Variants in KIFC3 observed in about 807,000 individuals in gnomAD.
KIFC3 encodes kinesin family member C3.
KIFC3 carries 60 observed loss-of-function variants against 101.8 expected under a neutral mutation model. That is an observed-to-expected ratio of 0.59 (90% CI 0.48 to 0.73). The LOEUF (loss-of-function observed/expected upper bound fraction) is 0.73. Among genes scored for constraint, KIFC3 ranks in the 30% least tolerant of loss-of-function variants. The probability of loss-of-function intolerance (pLI) is 0.00; values close to 1 mark genes in which losing one functional copy is unlikely to be tolerated. For missense variants in KIFC3, 966 were observed against 1,137.1 expected, an observed-to-expected ratio of 0.85 and a Z score of 2.16; for synonymous variants, 476 against 482.7, an observed-to-expected ratio of 0.99 and a Z score of 0.18.
chr16:57,772,321 TCA>T, intron 3 of KIFC3, 33 bp from the exon 4 acceptor site: 1 of 1,591,060 alleles, frequency 6.3e-7, no homozygotes, highest in South Asian at 1.1e-5. Context: ...AAGGTGAGCC[TCA>T]GTCCTCAGCT....
chr16:57,811,816 T>C (rs2055081769), intron 1 of KIFC3, among the ~76,000 whole-genome samples: 1 of 150,658 alleles, frequency 6.6e-6, no homozygotes, highest in African/African-American at 2.4e-5. Context: ...CTTGGGAGGC[T>C]GAGGCGGAGA....
At chr16:57,814,058 A>G (rs2055159201) in intron 1 of KIFC3, among the ~76,000 whole-genome samples, 1 of 152,142 alleles carries the variant, frequency 6.6e-6, no homozygotes, top group South Asian at 2.1e-4. Context: ...GGGCACAGTC[A>G]ATGGGGTACC....
intron 1 of KIFC3, chr16:57,798,614 G>A (rs1006601653): frequency 1.9e-4 from 78 of 419,648 alleles, no homozygotes; most frequent in African/African-American, 1.4e-3. Context: ...AGGAGGCACC[G>A]CGAGTCAGCA....
At chr16:57,775,214 T>TGG in intron 3 of KIFC3, 1 of 1,323,604 alleles carries the variant, frequency 7.6e-7, no homozygotes, top group Non-Finnish European at 9.6e-7. Flanking sequence ...CAGGGCAGGC[T>TGG]GGGGAGCATG....
At chr16:57,832,179 C>G (rs1397351370) in intron 1 of KIFC3, among the ~76,000 whole-genome samples, 2 of 151,594 alleles carry the variant, frequency 1.3e-5, no homozygotes, top group African/African-American at 2.4e-5. Flanking sequence ...CACCACCATG[C>G]CCGTCTAATT....
At chr16:57,764,012 A>G in intron 12 of KIFC3, 131 bp downstream of exon 12, 1 of 705,462 alleles carries the variant, frequency 1.4e-6, no homozygotes, top group Non-Finnish European at 2.4e-6. Context: ...AGATAACTAC[A>G]GCCTCTGCTC....
chr16:57,808,681 T>G (rs1192905492), intron 1 of KIFC3, among the ~76,000 whole-genome samples: 1 of 152,194 alleles, frequency 6.6e-6, no homozygotes, highest in Non-Finnish European at 1.5e-5. Context: ...GTATCTGACC[T>G]TGAGCTGATG....
chr16:57,839,038 T>C lies in KIFC3; in HGVS notation c.108+23691A>G, dbSNP rs1316666706. Among the ~76,000 whole-genome samples, 2 of 152,098 alleles carry C rather than the reference T, an allele frequency of 1.3e-5. 1 individual carries two copies. Among genetic ancestry groups the C allele is most frequent in the Non-Finnish European group, 2.9e-5 (2 of 68,028 alleles). ...GAATAGCATTCTGTTGAAGAACCCT[T>C]ATTTTGAGGCTGGGCACAGTGGCTC... is the stretch of plus-strand genomic sequence containing the variant. On this transcript the variant is annotated intron_variant, in intron 1 of 2. Coordinates refer to the KIFC3 transcript ENST00000563028.
At chr16:57,833,711 G>C (rs2911343) in intron 1 of KIFC3, among the ~76,000 whole-genome samples, 25,016 of 152,064 alleles carry the variant, frequency 0.16, 2,253 homozygotes, top group Middle Eastern at 0.23. Flanking sequence ...CACCTGGGAG[G>C]GGGAGGGACC....
intron 3 of KIFC3, among the ~76,000 whole-genome samples, chr16:57,780,985 T>G (rs558171280): frequency 2.2e-4 from 33 of 150,892 alleles, no homozygotes; most frequent in Middle Eastern, 3.4e-3. Flanking sequence ...TGAAAACAAT[T>G]TTTTAAGGTT....
intron 1 of KIFC3, among the ~76,000 whole-genome samples, chr16:57,812,824 G>A (rs2055123157): frequency 6.6e-6 from 1 of 152,228 alleles, no homozygotes. Context: ...AATACCTGCT[G>A]CCCCTGAGGG....
intron 1 of KIFC3, among the ~76,000 whole-genome samples, chr16:57,820,359 C>T (rs782211671): frequency 6.6e-6 from 1 of 152,206 alleles, no homozygotes; most frequent in East Asian, 1.9e-4. Context: ...ACTGCAGCCT[C>T]GAATCCCTCG....
At chr16:57,799,370 T>C (rs75145924) in intron 1 of KIFC3, among the ~76,000 whole-genome samples, 5 of 152,234 alleles carry the variant, frequency 3.3e-5, no homozygotes, top group Non-Finnish European at 7.4e-5. Flanking sequence ...AAGGACTTCC[T>C]AGTGGAGCTT....
chr16:57,764,202 A>G lies in KIFC3; in HGVS notation c.1558T>C (p.Phe520Leu), dbSNP rs1555600573. Residue 520 changes from phenylalanine to leucine, a missense_variant, in exon 12 of 20, where the codon TTC becomes CTC. By Grantham distance (22) the Phe-to-Leu change is conservative. Transcript: ENST00000445690. ...QALVTSCIDG[F>L]NVCIFAYGQT... is the part of the protein sequence containing the mutation. Reference sequence around the variant, plus strand: ...CCGTACGCAAAGATGCAGACATTGAAGCCATCAATGCAAGAGGTGACCAGG... The same window carrying G: ...CCGTACGCAAAGATGCAGACATTGAGGCCATCAATGCAAGAGGTGACCAGG... The G allele has an allele frequency of 1.3e-6, 2 of 1,506,196 alleles. No homozygotes were observed. The highest frequency in any genetic ancestry group is 2.2e-5 in the South Asian group (2 of 89,826). The allele number at this position is 1,506,196 out of a possible 1,614,324, so 93.3% of individuals were successfully genotyped here.
intron 1 of KIFC3, among the ~76,000 whole-genome samples, chr16:57,811,888 T>C (rs2055085126): frequency 7.1e-6 from 1 of 140,268 alleles, no homozygotes. Flanking sequence ...GCCACTGCAC[T>C]CTAGCCTAGG....
chr16:57,793,833 AT>A (rs2054086423), intron 3 of KIFC3, among the ~76,000 whole-genome samples: 1 of 152,252 alleles, frequency 6.6e-6, no homozygotes, highest in Non-Finnish European at 1.5e-5. Flanking sequence ...CATCTCAAAA[AT>A]AAAAATCATA....
intron 12 of KIFC3, 94 bp from the exon 13 acceptor site, chr16:57,762,364 A>G: frequency 7.6e-7 from 1 of 1,309,994 alleles, no homozygotes; most frequent in Non-Finnish European, 1.0e-6. Flanking sequence ...TACCCCTCAC[A>G]AGCAAGCCTC....
chr16:57,838,347 T>C (rs1596838279), intron 1 of KIFC3, among the ~76,000 whole-genome samples: 1 of 152,188 alleles, frequency 6.6e-6, no homozygotes, highest in Non-Finnish European at 1.5e-5. Context: ...GTGGCAGCCC[T>C]GGCTGGGTCC....
Position 57,760,846 on chromosome 16 carries a change from C to G in KIFC3, c.2112G>C (p.Leu704=). 1 of 1,613,194 alleles carries G rather than the reference C, an allele frequency of 6.2e-7. No homozygotes were observed. Among genetic ancestry groups the G allele is most frequent in the Middle Eastern group, 1.6e-4 (1 of 6,062 alleles). The change falls in exon 16 of 20, where the codon CTG becomes CTC. Residue 704 remains leucine (L), a synonymous_variant. Transcript: ENST00000445690. ...AQHINKSLSA[L]GDVIAALRSR... ...AGCGCAGGGCAGCAATGACGTCCCC[C>G]AGAGCCGACAGCGACTTGTTGATGT...
Sources: allele counts gnomAD v4.1 joint callset (sites outside exome capture counted in the v4.1 genomes callset), GRCh38; gene constraint gnomAD v4.1.1; transcripts MANE v1.5; gene names NCBI Gene and HGNC (gene_info 2026-07-23, HGNC 2026-07-21).